NIPA2: variants seen among roughly 807,000 people sequenced by gnomAD.
NIPA2 encodes the protein NIPA magnesium transporter 2.
A neutral mutation model predicts 29.7 loss-of-function variants in NIPA2; 11 were observed. The observed-to-expected ratio is 0.37, with a 90% CI of 0.23 to 0.61. The LOEUF is 0.61. Ranked by LOEUF, NIPA2 falls within the 20% of genes least tolerant of loss-of-function variation. The pLI is 0.66. For synonymous variants in NIPA2, 183 were observed against 161.9 expected (o/e 1.13, Z -0.99); for missense variants, 426 against 437.9 (o/e 0.97, Z 0.24).
intron 7 of NIPA2, among the ~76,000 whole-genome samples, chr15:22,865,550 A>G (rs1053840835): frequency 1.3e-5 from 2 of 152,136 alleles, no homozygotes; most frequent in Non-Finnish European, 2.9e-5. Context: ...GAGTAAATTC[A>G]TGTGACTTAT....
At chr15:22,853,702 A>AGT (rs1286231509) in intron 5 of NIPA2, among the ~76,000 whole-genome samples, 1 of 151,470 alleles carries the variant, frequency 6.6e-6, no homozygotes, top group Non-Finnish European at 1.5e-5. Context: ...GTGAGTACTT[A>AGT]GTAGGTACTT....
intron 2 of NIPA2, 55 bp from the exon 3 acceptor site, chr15:22,845,088 TTAA>T (rs1898234968): frequency 6.6e-6 from 1 of 152,176 alleles, no homozygotes; most frequent in Admixed American, 6.5e-5. Flanking sequence ...TTATCTGTCT[TTAA>T]TACTGGCCCT....
chr15:22,860,588 A>G, intron 6 of NIPA2, 41 bp from the exon 7 acceptor site: 1 of 1,288,018 alleles, frequency 7.8e-7, no homozygotes, highest in Non-Finnish European at 1.1e-6. Context: ...AAAGGAAAGT[A>G]GCTGATTAAA....
In NIPA2 at chr15:22,866,555, C is replaced by T; in HGVS notation, c.791C>T (p.Ser264Leu). 2 of 1,614,034 alleles carry T rather than the reference C, an allele frequency of 1.2e-6. No individual in the cohort carries two copies. The highest frequency in any genetic ancestry group is 1.7e-6 in the Non-Finnish European group (2 of 1,179,924). The change falls in exon 8 of 8, where the codon TCA becomes TTA. Residue 264 changes from serine (S) to leucine (L), a missense_variant. By Grantham distance (145) the Ser-to-Leu change is moderately radical. Coordinates refer to ENST00000337451, the MANE Select transcript of NIPA2 (RefSeq NM_030922.7). ...VFFTTSVLTCSAILFKEWQDM... is the reference protein window; with the variant it reads ...VFFTTSVLTCLAILFKEWQDM... ...TTTACAACATCAGTTTTAACTTGTT[C>T]AGCTATTCTTTTTAAGGAGTGGCAA...
At chr15:22,855,248 TA>T (rs35274041) in intron 5 of NIPA2, among the ~76,000 whole-genome samples, 95,522 of 148,396 alleles carry the variant, frequency 0.64, 30,586 homozygotes, top group South Asian at 0.71. Context: ...TCGTCTCTAG[TA>T]AAAAAAAAAA....
At chr15:22,858,477 G>A (rs777626719) in intron 5 of NIPA2, 63 bp from the exon 6 acceptor site, 16 of 949,652 alleles carry the variant, frequency 1.7e-5, no homozygotes, top group Middle Eastern at 4.2e-4. Flanking sequence ...ATAAAATGCC[G>A]GCATTTCCAA....
In NIPA2 at chr15:22,860,123, T is replaced by C. The variant is rs143831389; in HGVS notation, c.288-506T>C. On this transcript the variant is annotated intron_variant, in intron 6 of 7. Transcript: ENST00000337451. ...TCAGCTCGCTGCAACCTCTGCCTTCTAGGTCCTGCCCCAGCCTCCCGAGTA... is the reference window on the plus strand; with the variant it reads ...TCAGCTCGCTGCAACCTCTGCCTTCCAGGTCCTGCCCCAGCCTCCCGAGTA... Among the ~76,000 whole-genome samples, 1,415 of 151,390 alleles carry C rather than the reference T, an allele frequency of 9.3e-3. 23 individuals are homozygous for C. The highest frequency in any genetic ancestry group is 0.032 in the African/African-American group (1,331 of 41,282).
chr15:22,852,985 T>C (rs2057886281), intron 4 of NIPA2, among the ~76,000 whole-genome samples: 1 of 152,180 alleles, frequency 6.6e-6, no homozygotes, highest in Non-Finnish European at 1.5e-5. Context: ...TCCCTGATGC[T>C]TGGTCCTAAG....
At chr15:22,864,693 G>T (rs1048270431) in intron 7 of NIPA2, among the ~76,000 whole-genome samples, 4 of 152,142 alleles carry the variant, frequency 2.6e-5, no homozygotes, top group Non-Finnish European at 5.9e-5. Context: ...TTTCAATCTT[G>T]CCTTTACTCC....
chr15:22,854,800 C>T (rs7179003), intron 5 of NIPA2, among the ~76,000 whole-genome samples: 31,390 of 151,968 alleles, frequency 0.21, 3,488 homozygotes, highest in Admixed American at 0.31. Context: ...GTTGTGCTAT[C>T]AAATACTTGA....
chr15:22,856,747 G>A (rs1227915791), intron 5 of NIPA2, among the ~76,000 whole-genome samples: 3 of 152,162 alleles, frequency 2.0e-5, no homozygotes, highest in African/African-American at 7.2e-5. Context: ...AATGGGAAAT[G>A]CAAATTGAAG....
chr15:22,862,709 G>A (rs1256738524), intron 7 of NIPA2, among the ~76,000 whole-genome samples: 1 of 151,918 alleles, frequency 6.6e-6, no homozygotes, highest in Non-Finnish European at 1.5e-5. Context: ...TTGGCTTTTA[G>A]GCATTTTTTA....
chr15:22,851,757 ACTT>A lies in NIPA2; in HGVS notation c.29_31del (p.Phe10del). On this transcript the variant is annotated inframe_deletion, in exon 4 of 8. Coordinates refer to ENST00000337451, the MANE Select transcript of NIPA2 (RefSeq NM_030922.7). ...ATGAGCCAGGGGCGTGGAAAATATG[ACTT>A]CTATATTGGTCTGGGATTGGCTATG... The A allele has an allele frequency of 1.2e-6, 2 of 1,611,076 alleles. No homozygotes were observed. Among genetic ancestry groups the A allele is most frequent in the Non-Finnish European group, 1.7e-6 (2 of 1,179,026 alleles).
intron 7 of NIPA2, among the ~76,000 whole-genome samples, chr15:22,862,238 G>C (rs1428261093): frequency 6.6e-6 from 1 of 150,704 alleles, no homozygotes; most frequent in African/African-American, 2.4e-5. Context: ...AGTAGAGACA[G>C]GGTTTCACCA....
At chr15:22,849,097 T>A (rs1193195315) in intron 3 of NIPA2, among the ~76,000 whole-genome samples, 1 of 152,204 alleles carries the variant, frequency 6.6e-6, no homozygotes, top group Non-Finnish European at 1.5e-5. Flanking sequence ...TGATTGTCCC[T>A]GACATCTTGT....
intron 3 of NIPA2, 80 bp downstream of exon 3, chr15:22,845,347 C>T (rs1385436289): frequency 6.6e-6 from 1 of 152,034 alleles, no homozygotes; most frequent in Non-Finnish European, 1.5e-5. Context: ...TTGTATGCTG[C>T]TTGTCATCCC....
intron 3 of NIPA2, among the ~76,000 whole-genome samples, chr15:22,849,163 A>C (rs144232497): frequency 5.3e-5 from 8 of 152,200 alleles, no homozygotes; most frequent in Admixed American, 1.3e-4. Flanking sequence ...ATTTATTTTT[A>C]CTGTCAATGA....
rs574168610 is a variant in NIPA2 at position 22,852,087 on chromosome 15, T to C, written c.139+217T>C. Reference sequence around the variant, plus strand: ...AGTTAACTACTCAGTCCTGCAGTTATCATCAAAATGGAAACAGGGACCAAT... The same window carrying C: ...AGTTAACTACTCAGTCCTGCAGTTACCATCAAAATGGAAACAGGGACCAAT... On this transcript the variant is annotated intron_variant, in intron 4 of 7. Coordinates refer to ENST00000337451, the MANE Select transcript of NIPA2 (RefSeq NM_030922.7). 4.6e-5 allele frequency among the ~76,000 whole-genome samples: 7 copies of C among 152,326 alleles called. No individual in the cohort carries two copies. The South Asian group carries it at 1.0e-3, about 23-fold the overall frequency.
intron 7 of NIPA2, 77 bp from the exon 8 acceptor site, chr15:22,866,133 TTTA>T (rs2059047418): frequency 1.7e-6 from 2 of 1,154,318 alleles, no homozygotes; most frequent in South Asian, 1.5e-5. Flanking sequence ...CCCTATCAAG[TTTA>T]TTATATTTTG....
Sources: gnomAD v4.1 joint callset for allele counts (sites outside exome capture counted in the v4.1 genomes callset) on GRCh38, gnomAD v4.1.1 for gene constraint, MANE v1.5 for transcripts, NCBI Gene and HGNC (gene_info 2026-07-23, HGNC 2026-07-21) for gene names.